KDM4C: variants seen among roughly 807,000 people sequenced by gnomAD.
KDM4C encodes the protein lysine-specific demethylase 4C.
In KDM4C, 81 loss-of-function variants were observed where a neutral mutation model predicts 129.3. The observed-to-expected ratio is 0.63, with a 90% CI of 0.52 to 0.75. KDM4C has a LOEUF of 0.75. KDM4C is among the 30% of genes least tolerant of loss of function. KDM4C has a pLI of 0.00. For missense variants in KDM4C, 1,457 were observed against 1,304.0 expected (o/e 1.12, Z -1.81); for synonymous variants, 573 against 456.1 (o/e 1.26, Z -3.26).
At chr9:7,004,936 C>G (rs961536603) in intron 12 of KDM4C, among the ~76,000 whole-genome samples, 7 of 152,202 alleles carry the variant, frequency 4.6e-5, no homozygotes, top group African/African-American at 1.7e-4. Flanking sequence ...CACTGACACA[C>G]AGATAGTCTG....
chr9:6,802,896 C>T (rs1334034242), intron 2 of KDM4C, among the ~76,000 whole-genome samples: 3 of 152,198 alleles, frequency 2.0e-5, no homozygotes, highest in Admixed American at 1.3e-4. Flanking sequence ...AGTGAGTCAC[C>T]GTGTCTGGCC....
chr9:6,940,040 TC>T (rs1825644841), intron 8 of KDM4C, among the ~76,000 whole-genome samples: 1 of 135,854 alleles, frequency 7.4e-6, no homozygotes, highest in Non-Finnish European at 1.6e-5. Context: ...CTTCTTTCCT[TC>T]CTTCCCTCCT....
At chr9:6,738,989 A>G (rs2130251375) in intron 1 of KDM4C, among the ~76,000 whole-genome samples, 1 of 150,862 alleles carries the variant, frequency 6.6e-6, no homozygotes, top group Admixed American at 6.6e-5. Context: ...TCAGCCTCCC[A>G]CCTGAGCCTC....
At chr9:6,938,602 A>C (rs1368342398) in intron 8 of KDM4C, among the ~76,000 whole-genome samples, 1 of 152,106 alleles carries the variant, frequency 6.6e-6, no homozygotes, top group Non-Finnish European at 1.5e-5. Context: ...CACTCTTTTC[A>C]TTCTCCCTGA....
chr9:6,918,445 A>G (rs978343340), intron 8 of KDM4C, among the ~76,000 whole-genome samples: 2 of 152,128 alleles, frequency 1.3e-5, no homozygotes, highest in Non-Finnish European at 2.9e-5. Context: ...GGTTTAGTCC[A>G]TGTTTTTGCT....
chr9:7,039,837 G>T (rs1406664616), intron 15 of KDM4C, among the ~76,000 whole-genome samples: 1 of 151,944 alleles, frequency 6.6e-6, no homozygotes, highest in African/African-American at 2.4e-5. Context: ...CTGACTCAGG[G>T]GTGGCAGAGT....
intron 8 of KDM4C, among the ~76,000 whole-genome samples, chr9:6,966,249 C>T (rs1830944253): frequency 6.6e-6 from 1 of 151,994 alleles, no homozygotes; most frequent in Admixed American, 6.5e-5. Flanking sequence ...GTGGCGGGAT[C>T]TCGGCTCACT....
chr9:6,952,361 G>C (rs1828302463), intron 8 of KDM4C, among the ~76,000 whole-genome samples: 1 of 150,952 alleles, frequency 6.6e-6, no homozygotes, highest in African/African-American at 2.4e-5. Flanking sequence ...CAGTAATGTT[G>C]TTAGGCCAAT....
At chr9:6,952,385 G>A (rs999724914) in intron 8 of KDM4C, among the ~76,000 whole-genome samples, 5 of 146,468 alleles carry the variant, frequency 3.4e-5, no homozygotes, top group Admixed American at 2.1e-4. Context: ...TACTGATATG[G>A]GAAATTGTTC....
At chr9:6,934,760 C>T (rs564488026) in intron 8 of KDM4C, among the ~76,000 whole-genome samples, 1 of 152,144 alleles carries the variant, frequency 6.6e-6, no homozygotes, top group African/African-American at 2.4e-5. Context: ...CTGCGCCCGG[C>T]CCACTCTAAT....
At chr9:6,973,111 T>G (rs1832288962) in intron 8 of KDM4C, among the ~76,000 whole-genome samples, 1 of 152,156 alleles carries the variant, frequency 6.6e-6, no homozygotes, top group Non-Finnish European at 1.5e-5. Context: ...TATGGAGAAG[T>G]TTGGCTGAAA....
chr9:6,912,438 G>A (rs1394235771), intron 8 of KDM4C, among the ~76,000 whole-genome samples: 1 of 152,184 alleles, frequency 6.6e-6, no homozygotes, highest in Non-Finnish European at 1.5e-5. Context: ...GTTCTCTGAG[G>A]CAGGGTTCCA....
At position 6,758,174 on chromosome 9, in the gene KDM4C, G is replaced by C. The variant is rs1289934270; in HGVS notation, c.-47G>C. 2.0e-6 allele frequency: 2 copies of C among 986,008 alleles called. No homozygotes were observed. Among genetic ancestry groups the C allele is most frequent in the Admixed American group, 6.1e-5 (1 of 16,278 alleles). 61.1% of individuals were successfully genotyped at this position (986,008 alleles called of 1,614,324 possible). ...CTGTCTTCTCTTCCTCCTCCACCGA[G>C]TCGTGCTCTCGCCCCAACCCGCGCG... On this transcript the variant is annotated 5_prime_UTR_variant, in exon 1 of 22. Coordinates refer to ENST00000381309, the MANE Select transcript of KDM4C (RefSeq NM_015061.6). The surrounding 1 kb of genome is among the most constrained non-coding windows in gnomAD (Gnocchi z 4.6).
chr9:7,024,422 T>C (rs899073213), intron 15 of KDM4C, among the ~76,000 whole-genome samples: 5 of 151,982 alleles, frequency 3.3e-5, no homozygotes, highest in Admixed American at 6.6e-5. Flanking sequence ...CATGTTGGTG[T>C]GCTGCACCCA....
intron 4 of KDM4C, among the ~76,000 whole-genome samples, chr9:6,846,798 A>T (rs1236545452): frequency 6.6e-6 from 1 of 152,184 alleles, no homozygotes; most frequent in Non-Finnish European, 1.5e-5. Context: ...GCTAGAGAAT[A>T]GTGGTGATAT....
chr9:7,164,873 A>G (rs1011341), intron 19 of KDM4C, among the ~76,000 whole-genome samples: 90,101 of 152,098 alleles, frequency 0.59, 26,790 homozygotes, highest in East Asian at 0.62. Flanking sequence ...CATTTTGTTA[A>G]CTGCAAAATG....
intron 3 of KDM4C, among the ~76,000 whole-genome samples, chr9:6,809,859 A>G (rs965057943): frequency 6.6e-6 from 1 of 152,136 alleles, no homozygotes; most frequent in Non-Finnish European, 1.5e-5. Context: ...TTAGCCAGGC[A>G]GGTGGTATGT....
At chr9:7,082,999 T>C (rs1470546211) in intron 17 of KDM4C, among the ~76,000 whole-genome samples, 1 of 152,226 alleles carries the variant, frequency 6.6e-6, no homozygotes, top group Non-Finnish European at 1.5e-5. Flanking sequence ...TTCTCTATTA[T>C]CTATTTTTAT....
At chr9:6,864,618 G>A (rs1172586075) in intron 5 of KDM4C, among the ~76,000 whole-genome samples, 2 of 151,638 alleles carry the variant, frequency 1.3e-5, no homozygotes, top group African/African-American at 2.4e-5. Flanking sequence ...ACAGGCATGT[G>A]CCAACATGCC....
Sources: gnomAD v4.1 joint callset for allele counts (sites outside exome capture counted in the v4.1 genomes callset) on GRCh38, gnomAD v4.1.1 for gene constraint, Gnocchi (gnomAD v3.1) non-coding constraint, MANE v1.5 for transcripts, NCBI Gene and HGNC (gene_info 2026-07-23, HGNC 2026-07-21) for gene names.